The following MEPE variants were observed in gnomAD, a reference collection of about 807,000 sequenced individuals.
The protein encoded by MEPE is matrix, extracellular phosphoglycoprotein with ASARM motif (bone).
In MEPE, 7 loss-of-function variants were observed where a neutral mutation model predicts 7.3. The observed-to-expected ratio is 0.95, with a 90% CI of 0.54 to 1.79. The LOEUF (loss-of-function observed/expected upper bound fraction) is 1.79, where lower values mean the gene tolerates loss of function less well. MEPE is among the 40% of genes most tolerant of loss of function. The pLI, the probability that MEPE is intolerant of heterozygous loss-of-function variation, is 0.00. For missense variants in MEPE, 623 were observed against 628.2 expected (o/e 0.99, Z 0.09); for synonymous variants, 214 against 213.1 (o/e 1.00, Z -0.04).
intron 1 of MEPE, among the ~76,000 whole-genome samples, chr4:87,823,006 C>T (rs938206802): frequency 9.2e-5 from 14 of 152,170 alleles, no homozygotes; most frequent in African/African-American, 3.4e-4. Context: ...AGAGCAGCTC[C>T]CCTGAATACC....
chr4:87,834,004 T>C (rs57950448), intron 1 of MEPE, among the ~76,000 whole-genome samples: 10,315 of 152,206 alleles, frequency 0.068, 1,165 homozygotes, highest in African/African-American at 0.24. Flanking sequence ...AAGCAAGTTA[T>C]TTGATCTTTT....
At chr4:87,829,310 T>C (rs1442523385), upstream of MEPE, among the ~76,000 whole-genome samples, 2 of 152,162 alleles carry the variant, frequency 1.3e-5, no homozygotes, top group East Asian at 3.9e-4. Context: ...GAGAGCAGTA[T>C]ATTTAGCTAC....
rs1349202291 is a variant in MEPE, at chr4:87,845,561, A to C, written c.693A>C (p.Lys231Asn). Residue 231 changes from lysine to asparagine, a missense_variant, in exon 4 of 4, where the codon AAA (lysine) becomes AAC (asparagine). Physicochemically the swap from Lys to Asn is moderately conservative, Grantham distance 94 (BLOSUM62 0). Transcript: ENST00000361056. ...TAAAACATCTCTCAAAAGTCAAAAA[A>C]ATCCCCAGTGATTTTGAAGGCAGCG... Reference protein sequence around the residue: ...DYLKHLSKVKKIPSDFEGSGY... With the variant: ...DYLKHLSKVKNIPSDFEGSGY... The C allele has an allele frequency of 1.2e-6, 2 of 1,611,952 alleles. No homozygotes were observed. Among genetic ancestry groups the C allele is most frequent in the Non-Finnish European group, 1.7e-6 (2 of 1,179,536 alleles).
At chr4:87,833,377 A>T (rs1405072656) in intron 1 of MEPE, among the ~76,000 whole-genome samples, 3 of 152,140 alleles carry the variant, frequency 2.0e-5, no homozygotes, top group South Asian at 4.1e-4. Flanking sequence ...ATTTCTACTG[A>T]TGAGCATTAA....
At chr4:87,834,567 T>TAC in intron 1 of MEPE, 136 bp from the exon 2 acceptor site, 1 of 624,970 alleles carries the variant, frequency 1.6e-6, no homozygotes, top group Non-Finnish European at 2.8e-6. Context: ...ACATAGTCTA[T>TAC]ACACACACAT....
intron 3 of MEPE, chr4:87,840,192 C>T (rs1560540030): frequency 2.2e-6 from 2 of 920,806 alleles, no homozygotes; most frequent in East Asian, 5.3e-5. Flanking sequence ...CCATTTTGGC[C>T]TAATGAGTGA....
chr4:87,838,525 T>G, intron 2 of MEPE, 107 bp from the exon 3 acceptor site: 1 of 922,314 alleles, frequency 1.1e-6, no homozygotes, highest in Non-Finnish European at 1.7e-6. Flanking sequence ...TTTTCCACAG[T>G]GAATAATACA....
intron 3 of MEPE, chr4:87,840,097 G>C (rs1236485514): frequency 6.6e-7 from 1 of 1,523,692 alleles, no homozygotes; most frequent in Non-Finnish European, 8.8e-7. Flanking sequence ...GTAACATTTG[G>C]TGTTTTATAA....
intron 2 of MEPE, among the ~76,000 whole-genome samples, chr4:87,836,535 A>G (rs945342320): frequency 6.6e-6 from 1 of 152,068 alleles, no homozygotes; most frequent in Non-Finnish European, 1.5e-5. Context: ...TCCAATTTCC[A>G]GAACTGTTTG....
At chr4:87,832,885 T>C, upstream of MEPE, 1 of 152,206 alleles carries the variant, frequency 6.6e-6, no homozygotes, top group East Asian at 1.9e-4. Flanking sequence ...ACAAATTGTT[T>C]GCTAGCGCTG....
At chr4:87,836,510 T>C (rs550394758) in intron 2 of MEPE, among the ~76,000 whole-genome samples, 148 of 152,282 alleles carry the variant, frequency 9.7e-4, no homozygotes, top group African/African-American at 3.5e-3. Context: ...TTTTTATGCT[T>C]TCTTCTTCCT....
chr4:87,832,685 G>T (rs544559276), upstream of MEPE, among the ~76,000 whole-genome samples: 1 of 152,132 alleles, frequency 6.6e-6, no homozygotes, highest in Non-Finnish European at 1.5e-5. Context: ...AAACTTGTTA[G>T]GTATTCAGTC....
chr4:87,831,636 G>A (rs74884826), upstream of MEPE, among the ~76,000 whole-genome samples: 614 of 152,126 alleles, frequency 4.0e-3, 8 homozygotes, highest in African/African-American at 0.014. Flanking sequence ...TCATGCCTGT[G>A]CTTAAAACCT....
chr4:87,839,512 CT>C (rs1468850227), intron 3 of MEPE, among the ~76,000 whole-genome samples: 3 of 152,118 alleles, frequency 2.0e-5, no homozygotes, highest in Non-Finnish European at 4.4e-5. Flanking sequence ...AAGTTGCTGT[CT>C]TCGGGAGCCG....
upstream of MEPE, among the ~76,000 whole-genome samples, chr4:87,830,798 G>C (rs535413799): frequency 3.4e-4 from 50 of 146,962 alleles, 1 homozygote; most frequent in Admixed American, 2.4e-3. Flanking sequence ...ATACTCAAAA[G>C]AGGAACAGCA....
At chr4:87,831,082 G>T (rs1722587750), upstream of MEPE, among the ~76,000 whole-genome samples, 1 of 151,924 alleles carries the variant, frequency 6.6e-6, no homozygotes, top group Admixed American at 6.6e-5. Context: ...ATTTCTTATT[G>T]ATGCTTTAAT....
chr4:87,829,287 T>C (rs745920577), upstream of MEPE, among the ~76,000 whole-genome samples: 22 of 152,128 alleles, frequency 1.4e-4, no homozygotes, highest in Non-Finnish European at 2.4e-4. Flanking sequence ...AGCTTTGAAT[T>C]CATTTTAGCT....
At chr4:87,835,645 C>A (rs1722758314) in intron 2 of MEPE, among the ~76,000 whole-genome samples, 1 of 152,030 alleles carries the variant, frequency 6.6e-6, no homozygotes, top group Non-Finnish European at 1.5e-5. Context: ...AAATGTGTTC[C>A]CTTCTCCGCA....
At chr4:87,825,595 T>TAG (rs1212369064) in intron 1 of MEPE, among the ~76,000 whole-genome samples, 21 of 152,372 alleles carry the variant, frequency 1.4e-4, no homozygotes, top group African/African-American at 4.6e-4. Flanking sequence ...GTCCCAGGCT[T>TAG]AGGCCATAAA....
Sources: gnomAD v4.1 joint callset for allele counts (sites outside exome capture counted in the v4.1 genomes callset) on GRCh38, gnomAD v4.1.1 for gene constraint, MANE v1.5 for transcripts, NCBI Gene and HGNC (gene_info 2026-07-23, HGNC 2026-07-21) for gene names.